FBXL13: variants seen among roughly 807,000 people sequenced by gnomAD.
FBXL13 encodes the protein F-box and leucine-rich repeat protein 13.
A neutral mutation model predicts 83.6 loss-of-function variants in FBXL13; 67 were observed. The observed-to-expected ratio is 0.80, with a 90% CI of 0.66 to 0.98. The LOEUF (loss-of-function observed/expected upper bound fraction) is 0.98. Among genes scored for constraint, FBXL13 ranks in the 50% least tolerant of loss-of-function variants. The pLI is 0.00. For missense variants in FBXL13, 822 were observed against 866.5 expected (o/e 0.95, Z 0.64); for synonymous variants, 272 against 299.5 (o/e 0.91, Z 0.95).
intron 17 of FBXL13, among the ~76,000 whole-genome samples, chr7:102,838,135 T>C (rs1157483896): frequency 1.3e-5 from 2 of 152,134 alleles, no homozygotes; most frequent in African/African-American, 4.8e-5. Context: ...AAGAGCACAG[T>C]CTGGGGGCCC....
intron 2 of FBXL13, among the ~76,000 whole-genome samples, chr7:103,052,025 C>T (rs553792513): frequency 1.3e-5 from 2 of 152,180 alleles, no homozygotes; most frequent in African/African-American, 4.8e-5. Context: ...ATATTTAGAT[C>T]ACTTTAACAG....
At chr7:102,832,405 G>C (rs890923145) in intron 18 of FBXL13, among the ~76,000 whole-genome samples, 6 of 152,294 alleles carry the variant, frequency 3.9e-5, no homozygotes, top group Non-Finnish European at 7.4e-5. Flanking sequence ...GTCCAGGAAA[G>C]ATGCAAATTA....
chr7:102,944,623 G>C, intron 8 of FBXL13: 17 of 1,564,954 alleles, frequency 1.1e-5, no homozygotes, highest in Non-Finnish European at 1.5e-5. Flanking sequence ...AAATTGTTCT[G>C]ATTGTAATTA....
intron 19 of FBXL13, 87 bp downstream of exon 20, chr7:102,821,953 G>C: frequency 7.5e-7 from 1 of 1,337,698 alleles, no homozygotes; most frequent in Non-Finnish European, 1.0e-6. Context: ...ACTGAAAGCT[G>C]CTATGTATTA....
chr7:102,965,438 A>G (rs1825872022), intron 7 of FBXL13, among the ~76,000 whole-genome samples: 1 of 152,258 alleles, frequency 6.6e-6, no homozygotes, highest in African/African-American at 2.4e-5. Context: ...AAAGCATTCA[A>G]TAAATATTAG....
At chr7:103,036,344 AT>A (rs951295635) in intron 2 of FBXL13, among the ~76,000 whole-genome samples, 20 of 149,916 alleles carry the variant, frequency 1.3e-4, no homozygotes, top group African/African-American at 3.2e-4. Context: ...CCCAACTCAG[AT>A]TTTTTTTTTA....
At chr7:103,006,322 G>C (rs1453641383) in intron 6 of FBXL13, among the ~76,000 whole-genome samples, 2 of 152,178 alleles carry the variant, frequency 1.3e-5, no homozygotes, top group Non-Finnish European at 2.9e-5. Flanking sequence ...TGTATGCACA[G>C]AGTGAGACAC....
chr7:103,055,292 T>C (rs1797230432), intron 2 of FBXL13, 114 bp from the exon 3 acceptor site: 2 of 522,942 alleles, frequency 3.8e-6, no homozygotes, highest in Admixed American at 7.5e-5. Flanking sequence ...AAAACACATT[T>C]CCCCTTAGGA....
At position 103,009,700 on chromosome 7, in the gene FBXL13, C is replaced by T. The variant is rs562357346; in HGVS notation, c.495+15363G>A. ...TCTGGAAGCAGTAAAATTGTTCCAC[C>T]CCTCCTTGCTGGACAGGGCTAGGCA... On this transcript the variant is annotated intron_variant, in intron 6 of 19. Transcript: ENST00000313221. Among the ~76,000 whole-genome samples the T allele has an allele frequency of 2.6e-5, 4 of 152,316 alleles. No individual in the cohort carries two copies. In the East Asian group the frequency reaches 7.7e-4, roughly 29 times the overall value.
At chr7:102,835,603 G>GTTTTT (rs776220490) in intron 17 of FBXL13, among the ~76,000 whole-genome samples, 72 of 97,506 alleles carry the variant, frequency 7.4e-4, no homozygotes, top group Non-Finnish European at 8.8e-4. Context: ...AGGTGACATT[G>GTTTTT]TTTTTTTTTT....
At chr7:102,989,497 A>G (rs1411513336) in intron 6 of FBXL13, among the ~76,000 whole-genome samples, 1 of 152,168 alleles carries the variant, frequency 6.6e-6, no homozygotes, top group Non-Finnish European at 1.5e-5. Flanking sequence ...ATATCTTCCC[A>G]GGAGAAGAGG....
At chr7:102,944,229 A>C (rs1822026727) in intron 8 of FBXL13, 1 of 1,608,438 alleles carries the variant, frequency 6.2e-7, no homozygotes, top group East Asian at 2.2e-5. Flanking sequence ...TAGGGCTCAC[A>C]CATTTAGAAG....
chr7:103,071,279 AG>A (rs1798930709), intron 1 of FBXL13, among the ~76,000 whole-genome samples: 1 of 152,220 alleles, frequency 6.6e-6, no homozygotes. Flanking sequence ...ACTGAATAGA[AG>A]TACTATTTGA....
intron 8 of FBXL13, among the ~76,000 whole-genome samples, chr7:102,955,421 G>A (rs1331675509): frequency 6.6e-6 from 1 of 151,896 alleles, no homozygotes; most frequent in Non-Finnish European, 1.5e-5. Flanking sequence ...AGCACTAAAT[G>A]CCCCAAGAGT....
intron 8 of FBXL13, chr7:102,939,283 C>G: frequency 3.2e-6 from 2 of 617,416 alleles, no homozygotes; most frequent in African/African-American, 1.8e-5. Flanking sequence ...TATGCTAAGG[C>G]TTGTTTCATA....
intron 9 of FBXL13, among the ~76,000 whole-genome samples, chr7:102,928,016 G>C (rs1052117143): frequency 2.0e-5 from 3 of 152,176 alleles, no homozygotes; most frequent in Non-Finnish European, 2.9e-5. Context: ...CAGCCACAAA[G>C]ATGAAAATGT....
chr7:103,027,253 A>G (rs963894390), intron 5 of FBXL13, among the ~76,000 whole-genome samples, 196 bp downstream of exon 6: 1 of 152,094 alleles, frequency 6.6e-6, no homozygotes, highest in African/African-American at 2.4e-5. Context: ...CCGAGATCAC[A>G]CCATTGCACT....
intron 8 of FBXL13, chr7:102,944,073 A>G (rs1821978648): frequency 1.5e-6 from 1 of 679,722 alleles, no homozygotes; most frequent in Admixed American, 3.3e-5. Context: ...GCTCTGAGAA[A>G]AAGAAAGGAA....
At chr7:102,893,767 CAA>C (rs1300370815) in intron 11 of FBXL13, among the ~76,000 whole-genome samples, 9 of 47,944 alleles carry the variant, frequency 1.9e-4, no homozygotes, top group South Asian at 1.5e-3. Flanking sequence ...GACTCTGTCT[CAA>C]AAAAAAAAAA....
Sources: allele counts gnomAD v4.1 joint callset (sites outside exome capture counted in the v4.1 genomes callset), GRCh38; gene constraint gnomAD v4.1.1; transcripts MANE v1.5; gene names NCBI Gene and HGNC (gene_info 2026-07-23, HGNC 2026-07-21).